RGS17: variants seen among roughly 807,000 people sequenced by gnomAD.
RGS17 encodes the protein regulator of G-protein signaling 17.
RGS17 carries 12 observed loss-of-function variants against 25.5 expected under a neutral mutation model. The ratio of observed to expected loss-of-function variants is 0.47; its 90% CI spans 0.30 to 0.76. RGS17 has a LOEUF of 0.76. Among genes scored for constraint, RGS17 ranks in the 30% least tolerant of loss-of-function variants. The probability of loss-of-function intolerance (pLI) is 0.07; values close to 1 mark genes in which losing one functional copy is unlikely to be tolerated. For missense variants in RGS17, 196 were observed against 242.2 expected (o/e 0.81, Z 1.27); for synonymous variants, 71 against 76.9 (o/e 0.92, Z 0.40).
chr6:153,006,114 G>C lies in RGS17; in HGVS notation c.*5460C>G, dbSNP rs964763074. The C allele has an allele frequency of 5.3e-5, 8 of 152,180 alleles. No homozygotes were observed. Among genetic ancestry groups the C allele is most frequent in the African/African-American group, 1.7e-4 (7 of 41,438 alleles). The allele number at this position is 152,180 out of a possible 1,614,324, so 9.4% of individuals were successfully genotyped here. On this transcript the variant is annotated 3_prime_UTR_variant, in exon 5 of 5. Coordinates refer to ENST00000206262, the MANE Select transcript of RGS17 (RefSeq NM_012419.5). Reference sequence around the variant, plus strand: ...GATCCTCACGCCTTAGTCTCCCAAAGTGCTGGGATTGTATGCGTGAGCCAC... The same window carrying C: ...GATCCTCACGCCTTAGTCTCCCAAACTGCTGGGATTGTATGCGTGAGCCAC...
chr6:153,011,591 A>G lies in RGS17; in HGVS notation c.616T>C (p.Ser206Pro), dbSNP rs1297280285. 2 of 1,606,220 alleles carry G rather than the reference A, an allele frequency of 1.2e-6. No homozygotes were observed. Among genetic ancestry groups the G allele is most frequent in the East Asian group, 4.5e-5 (2 of 44,788 alleles). Residue 206 changes from serine (S) to proline (P), a missense_variant, in exon 5 of 5, where the codon TCT becomes CCT. Physicochemically the swap from Ser to Pro is moderately conservative, Grantham distance 74. Around this residue, in one of 2 missense-constraint regions of RGS17, gnomAD observed 179 missense variants for 197.6 expected, o/e 0.91. Transcript: ENST00000206262. ...YKSFVESTAG[S>P]SSES ...AATGAACATTAAGATTCAGAAGAAG[A>G]GCCAGCAGTACTTTCAACAAATGAC...
chr6:153,036,298 C>T (rs1330885250), intron 2 of RGS17, among the ~76,000 whole-genome samples: 1 of 152,158 alleles, frequency 6.6e-6, no homozygotes, highest in African/African-American at 2.4e-5. Flanking sequence ...AGCTTTCCTC[C>T]TGCCATGTCC....
chr6:153,012,976 A>T (rs1190669576), intron 4 of RGS17, among the ~76,000 whole-genome samples: 8 of 152,076 alleles, frequency 5.3e-5, no homozygotes. Flanking sequence ...TGGCTACTAG[A>T]TTTGTTGGGA....
chr6:153,058,618 A>T (rs953256436), intron 1 of RGS17, among the ~76,000 whole-genome samples: 4 of 152,342 alleles, frequency 2.6e-5, no homozygotes, highest in African/African-American at 9.6e-5. Context: ...CTGCTAAATA[A>T]GCCAAATTTG....
rs1776517815 is a variant in RGS17, at chr6:153,054,098, ATATATATATATATATGTG to A, written c.-25-10073_-25-10056del. Among the ~76,000 whole-genome samples, 3 of 88,760 alleles carry A rather than the reference ATATATATATATATATGTG, an allele frequency of 3.4e-5. 1 individual carries two copies. The highest frequency in any genetic ancestry group is 9.5e-5 in the African/African-American group (2 of 20,958). The allele number at this position is 88,760 out of a possible 152,430, so 58.2% of individuals were successfully genotyped here. A position where few individuals can be genotyped will look rare whatever the true frequency, so the allele number is the denominator to read the frequency against. On this transcript the variant is annotated intron_variant, in intron 1 of 4. Coordinates refer to ENST00000206262, the MANE Select transcript of RGS17 (RefSeq NM_012419.5). The stretch of plus-strand genomic sequence containing the variant: ...TATATACACACAATATTTTTTATAT[ATATATATATATATATGTG>A]TATATATATATATATACAGCTTTAT...
intron 4 of RGS17, among the ~76,000 whole-genome samples, chr6:153,014,589 G>A (rs764775185): frequency 1.3e-5 from 2 of 152,110 alleles, no homozygotes; most frequent in Non-Finnish European, 2.9e-5. Context: ...ACGAGGTTAG[G>A]AGATCGAGAC....
intron 1 of RGS17, among the ~76,000 whole-genome samples, chr6:153,105,999 C>G (rs1207313863): frequency 2.6e-5 from 4 of 151,974 alleles, no homozygotes; most frequent in Non-Finnish European, 5.9e-5. Context: ...ACAGTCCAGG[C>G]AAGAGGATGA....
chr6:153,041,415 G>A (rs1162187317), intron 2 of RGS17, among the ~76,000 whole-genome samples: 2 of 152,158 alleles, frequency 1.3e-5, no homozygotes, highest in Non-Finnish European at 2.9e-5. Context: ...AGTTGATGCA[G>A]CTTCCGAAAG....
At chr6:153,078,564 C>A (rs899268212) in intron 1 of RGS17, among the ~76,000 whole-genome samples, 63 of 151,432 alleles carry the variant, frequency 4.2e-4, no homozygotes, top group African/African-American at 1.5e-3. Flanking sequence ...TATAAACTTA[C>A]AAATTGCTTT....
chr6:153,056,059 A>G (rs1162017481), intron 1 of RGS17, among the ~76,000 whole-genome samples: 1 of 152,254 alleles, frequency 6.6e-6, no homozygotes, highest in East Asian at 1.9e-4. Context: ...CAGTAAATTC[A>G]GCATTAACCA....
At chr6:153,014,162 C>A (rs1006925353) in intron 4 of RGS17, among the ~76,000 whole-genome samples, 1 of 152,122 alleles carries the variant, frequency 6.6e-6, no homozygotes, top group Non-Finnish European at 1.5e-5. Context: ...TAAACAGATA[C>A]GAATGCTTAT....
chr6:153,110,639 G>A (rs959907953), intron 1 of RGS17, among the ~76,000 whole-genome samples: 6 of 152,164 alleles, frequency 3.9e-5, no homozygotes, highest in Non-Finnish European at 5.9e-5. Context: ...AATACCTGGT[G>A]GCTGGCAAGA....
intron 1 of RGS17, among the ~76,000 whole-genome samples, chr6:153,048,005 T>C (rs1776406282): frequency 6.6e-6 from 1 of 152,216 alleles, no homozygotes. Flanking sequence ...TTCTTCTCTA[T>C]CACTTCTTTG....
At chr6:153,046,927 G>T (rs9397579) in intron 1 of RGS17, among the ~76,000 whole-genome samples, 58,738 of 151,800 alleles carry the variant, frequency 0.39, 12,088 homozygotes, top group East Asian at 0.62. Context: ...AAAATAAAAA[G>T]AAATCTACAC....
intron 1 of RGS17, among the ~76,000 whole-genome samples, chr6:153,120,947 A>C (rs1018828694): frequency 6.6e-6 from 1 of 152,188 alleles, no homozygotes; most frequent in Non-Finnish European, 1.5e-5. Context: ...TTTAAAATTA[A>C]TCTCATGCTG....
At chr6:153,104,348 C>T (rs967623970) in intron 1 of RGS17, among the ~76,000 whole-genome samples, 5 of 151,916 alleles carry the variant, frequency 3.3e-5, no homozygotes, top group African/African-American at 9.7e-5. Flanking sequence ...TGGGAATAAC[C>T]GGGCCTAAAA....
intron 1 of RGS17, among the ~76,000 whole-genome samples, chr6:153,061,313 A>T (rs1477030262): frequency 1.3e-5 from 2 of 152,188 alleles, no homozygotes; most frequent in African/African-American, 4.8e-5. Flanking sequence ...TCACTGTGCC[A>T]TTCTAAAATA....
At chr6:153,129,983 C>A (rs1562342192) in intron 1 of RGS17, among the ~76,000 whole-genome samples, 1 of 152,106 alleles carries the variant, frequency 6.6e-6, no homozygotes, top group South Asian at 2.1e-4. Context: ...TGTGGCCAGG[C>A]GACCCCGGCT....
At chr6:153,100,805 C>T (rs1023657211) in intron 1 of RGS17, among the ~76,000 whole-genome samples, 2 of 152,196 alleles carry the variant, frequency 1.3e-5, no homozygotes, top group African/African-American at 4.8e-5. Context: ...TGTAAACAGA[C>T]CGTAACCTAC....
Sources: gnomAD v4.1 joint callset for allele counts (sites outside exome capture counted in the v4.1 genomes callset) on GRCh38, gnomAD v4.1.1 for gene constraint, gnomAD v4.1.1 regional missense constraint, MANE v1.5 for transcripts, NCBI Gene and HGNC (gene_info 2026-07-23, HGNC 2026-07-21) for gene names.